The following ANKS1B variants were observed in gnomAD, a reference collection of about 807,000 sequenced individuals.
ANKS1B encodes ankyrin repeat and sterile alpha motif domain-containing protein 1B.
A neutral mutation model predicts 148.3 loss-of-function variants in ANKS1B; 36 were observed. The ratio of observed to expected loss-of-function variants is 0.24; its 90% CI spans 0.19 to 0.32. ANKS1B has a LOEUF of 0.32. ANKS1B is among the 10% of genes least tolerant of loss of function. ANKS1B has a pLI of 1.00. For synonymous variants in ANKS1B, 542 were observed against 560.8 expected, an observed-to-expected ratio of 0.97 and a Z score of 0.47; for missense variants, 1,157 against 1,542.6, an observed-to-expected ratio of 0.75 and a Z score of 4.19.
intron 1 of ANKS1B, among the ~76,000 whole-genome samples, chr12:99,954,775 A>G (rs1428850991): frequency 1.3e-5 from 2 of 152,178 alleles, no homozygotes; most frequent in Non-Finnish European, 2.9e-5. Flanking sequence ...CTGCAATCCT[A>G]CAATGCAAAG....
chr12:99,305,249 T>C (rs11109802), intron 12 of ANKS1B, among the ~76,000 whole-genome samples: 13 of 152,154 alleles, frequency 8.5e-5, no homozygotes, highest in South Asian at 2.1e-4. Context: ...ATCTCCAACA[T>C]TGGGGAACAC....
chr12:98,745,938 C>T, intron 26 of ANKS1B, 89 bp from the exon 27 acceptor site: 2 of 1,409,430 alleles, frequency 1.4e-6, no homozygotes, highest in Non-Finnish European at 1.9e-6. Flanking sequence ...CCACGCGAGG[C>T]CCCTCGCCCC....
At chr12:99,881,834 C>A (rs2092521169) in intron 1 of ANKS1B, among the ~76,000 whole-genome samples, 1 of 152,162 alleles carries the variant, frequency 6.6e-6, no homozygotes, top group Admixed American at 6.6e-5. Flanking sequence ...TCAACATTCA[C>A]CATAGGATGT....
intron 1 of ANKS1B, among the ~76,000 whole-genome samples, chr12:99,882,640 C>T (rs538707080): frequency 2.0e-5 from 3 of 151,952 alleles, no homozygotes; most frequent in East Asian, 3.9e-4. Flanking sequence ...TAGAGACTTG[C>T]GGGAAAGGGT....
At chr12:99,043,132 G>C (rs533686891) in intron 17 of ANKS1B, among the ~76,000 whole-genome samples, 2 of 152,074 alleles carry the variant, frequency 1.3e-5, no homozygotes, top group Non-Finnish European at 2.9e-5. Context: ...ACTCTATGCA[G>C]TATTTTTTTA....
chr12:99,837,712 A>T (rs1445199050), intron 1 of ANKS1B, among the ~76,000 whole-genome samples: 1 of 152,164 alleles, frequency 6.6e-6, no homozygotes, highest in African/African-American at 2.4e-5. Context: ...AGAGCCAATG[A>T]CATTAACCAC....
intron 17 of ANKS1B, among the ~76,000 whole-genome samples, chr12:98,877,872 C>T (rs2099695379): frequency 6.6e-6 from 1 of 152,138 alleles, no homozygotes; most frequent in Admixed American, 6.5e-5. Context: ...TTTCCCAACA[C>T]CACTTATTCC....
chr12:98,778,704 G>T (rs560134978), intron 24 of ANKS1B, among the ~76,000 whole-genome samples: 1 of 152,120 alleles, frequency 6.6e-6, no homozygotes, highest in Non-Finnish European at 1.5e-5. Context: ...TGGATCCTCC[G>T]TCCCTTCTGA....
At position 99,220,890 on chromosome 12, in the gene ANKS1B, T is replaced by C. The variant is rs1041410780; in HGVS notation, c.2419+23452A>G. 2.6e-5 allele frequency among the ~76,000 whole-genome samples: 4 copies of C among 152,170 alleles called. No individual in the cohort carries two copies. In the South Asian group the frequency reaches 6.2e-4, roughly 24 times the overall value. Reference sequence around the variant, plus strand: ...ACAACAGTAAATTACATAGATCAAATATAGAAAAACCCAAACCATAAAAGT... The same window carrying C: ...ACAACAGTAAATTACATAGATCAAACATAGAAAAACCCAAACCATAAAAGT... On this transcript the variant is annotated intron_variant, in intron 14 of 26. Transcript: ENST00000683438.
At chr12:99,893,410 CAAAA>C (rs57828427) in intron 1 of ANKS1B, among the ~76,000 whole-genome samples, 3 of 102,338 alleles carry the variant, frequency 2.9e-5, no homozygotes, top group Admixed American at 1.1e-4. Flanking sequence ...GACTCCATCT[CAAAA>C]AAAAAAAAAA....
At chr12:98,855,741 C>T (rs2099567706) in intron 17 of ANKS1B, among the ~76,000 whole-genome samples, 1 of 151,198 alleles carries the variant, frequency 6.6e-6, no homozygotes, top group Admixed American at 6.6e-5. Flanking sequence ...ATCAAACTGG[C>T]TCTTGGCCAG....
intron 9 of ANKS1B, among the ~76,000 whole-genome samples, chr12:99,586,778 G>A (rs59853574): frequency 0.011 from 1,651 of 152,240 alleles, 33 homozygotes; most frequent in African/African-American, 0.038. Context: ...CATGTCTTAC[G>A]TGGTTGCAGG....
intron 19 of ANKS1B, among the ~76,000 whole-genome samples, chr12:98,814,589 G>A (rs566623098): frequency 6.6e-5 from 10 of 152,260 alleles, no homozygotes; most frequent in African/African-American, 2.2e-4. Context: ...GAAGAGAGAA[G>A]GAACATTTGT....
At chr12:99,066,407 G>A (rs1278382755) in intron 16 of ANKS1B, among the ~76,000 whole-genome samples, 1 of 152,170 alleles carries the variant, frequency 6.6e-6, no homozygotes, top group East Asian at 1.9e-4. Flanking sequence ...TAGAGCAAAG[G>A]CCCTCAGGAA....
At chr12:99,914,427 A>G (rs908679734) in intron 1 of ANKS1B, among the ~76,000 whole-genome samples, 11 of 152,222 alleles carry the variant, frequency 7.2e-5, no homozygotes, top group Non-Finnish European at 1.6e-4. Flanking sequence ...TAATCAAAAC[A>G]AAGATTTTGG....
At chr12:98,982,319 A>G (rs2099912354) in intron 17 of ANKS1B, among the ~76,000 whole-genome samples, 1 of 151,806 alleles carries the variant, frequency 6.6e-6, no homozygotes, top group Non-Finnish European at 1.5e-5. Context: ...AAAAAAATCC[A>G]GGTGAGGACA....
chr12:98,864,489 A>T (rs1287737320), intron 17 of ANKS1B, among the ~76,000 whole-genome samples: 3 of 152,112 alleles, frequency 2.0e-5, no homozygotes, highest in African/African-American at 4.8e-5. Flanking sequence ...ACACTGGTAG[A>T]TTTTGAGTGA....
At chr12:99,954,921 C>T (rs138970792) in intron 1 of ANKS1B, among the ~76,000 whole-genome samples, 68 of 152,276 alleles carry the variant, frequency 4.5e-4, no homozygotes, top group African/African-American at 1.6e-3. Flanking sequence ...CGAAATAAAA[C>T]CTGCCTTTGG....
At chr12:99,790,417 C>T (rs1053011317) in intron 4 of ANKS1B, among the ~76,000 whole-genome samples, 1 of 152,024 alleles carries the variant, frequency 6.6e-6, no homozygotes, top group African/African-American at 2.4e-5. Flanking sequence ...AATAAGAAAT[C>T]ATTTGAAGGT....
Sources: gnomAD v4.1 joint callset for allele counts (sites outside exome capture counted in the v4.1 genomes callset) on GRCh38, gnomAD v4.1.1 for gene constraint, MANE v1.5 for transcripts, NCBI Gene and HGNC (gene_info 2026-07-23, HGNC 2026-07-21) for gene names.